Variants in SVEP1 observed in about 807,000 individuals in gnomAD.
SVEP1 encodes sushi, von Willebrand factor type A, EGF and pentraxin domain containing 1.
Under a neutral mutation model 367.3 loss-of-function variants are expected in SVEP1, and 164 were observed. The ratio of observed to expected loss-of-function variants is 0.45; its 90% CI spans 0.39 to 0.51. The LOEUF is 0.51. SVEP1 is among the 20% of genes least tolerant of loss of function. The pLI is 0.00. For missense variants in SVEP1, 4,117 were observed against 4,425.3 expected (o/e 0.93, Z 1.98); for synonymous variants, 1,666 against 1,611.6 (o/e 1.03, Z -0.81).
At chr9:110,568,720 T>TA (rs1418789443) in intron 1 of SVEP1, among the ~76,000 whole-genome samples, 1 of 152,152 alleles carries the variant, frequency 6.6e-6, no homozygotes, top group Non-Finnish European at 1.5e-5. Context: ...ACTGAAAATT[T>TA]AAGAGTTTAT....
intron 14 of SVEP1, among the ~76,000 whole-genome samples, chr9:110,473,135 T>C (rs1034797360): frequency 2.6e-5 from 4 of 152,222 alleles, no homozygotes; most frequent in Admixed American, 1.3e-4. Flanking sequence ...TCTATTGTTA[T>C]GTACTTTAGA....
intron 35 of SVEP1, among the ~76,000 whole-genome samples, 186 bp downstream of exon 35, chr9:110,428,957 C>A (rs1373822335): frequency 1.3e-5 from 2 of 152,098 alleles, no homozygotes; most frequent in Non-Finnish European, 2.9e-5. Flanking sequence ...GTAGTCCCTG[C>A]ACTCAGGAGG....
intron 3 of SVEP1, among the ~76,000 whole-genome samples, chr9:110,537,462 C>T (rs1408671059): frequency 6.6e-6 from 1 of 151,840 alleles, no homozygotes; most frequent in African/African-American, 2.4e-5. Flanking sequence ...CTAGTAGCAC[C>T]TTTGGTCACA....
At chr9:110,475,268 G>A (rs917402508) in intron 14 of SVEP1, among the ~76,000 whole-genome samples, 2 of 152,094 alleles carry the variant, frequency 1.3e-5, no homozygotes, top group African/African-American at 2.4e-5. Context: ...GATGTCTGCC[G>A]TAATGCGAAT....
intron 39 of SVEP1, among the ~76,000 whole-genome samples, chr9:110,402,610 A>G (rs1320010454): frequency 6.6e-6 from 1 of 152,184 alleles, no homozygotes; most frequent in Non-Finnish European, 1.5e-5. Flanking sequence ...AGAGCTTAGT[A>G]TCTTTTTTAG....
chr9:110,557,607 T>C (rs1445384233), intron 1 of SVEP1, among the ~76,000 whole-genome samples: 2 of 151,878 alleles, frequency 1.3e-5, no homozygotes, highest in Non-Finnish European at 2.9e-5. Flanking sequence ...AGAAGCCAGA[T>C]AGAGTTGTGG....
chr9:110,510,254 C>T (rs1053163762), intron 5 of SVEP1, among the ~76,000 whole-genome samples: 1 of 152,196 alleles, frequency 6.6e-6, no homozygotes, highest in African/African-American at 2.4e-5. Context: ...AATTCCACTT[C>T]AAAAGCTGGG....
At chr9:110,505,816 TCTC>T (rs1220517699) in intron 5 of SVEP1, among the ~76,000 whole-genome samples, 5 of 141,750 alleles carry the variant, frequency 3.5e-5, no homozygotes, top group Middle Eastern at 3.4e-3. Context: ...TTTTCTTTTC[TCTC>T]TTTTTTTTTT....
In SVEP1 at chr9:110,556,750, A is replaced by T. The variant is rs902403954; in HGVS notation, c.532-6646T>A. 8.5e-5 allele frequency among the ~76,000 whole-genome samples: 13 copies of T among 152,206 alleles called. 1 individual carries two copies. The highest frequency in any genetic ancestry group is 8.3e-4 in the South Asian group (4 of 4,806). On this transcript the variant is annotated intron_variant, in intron 1 of 47. Coordinates refer to ENST00000374469, the MANE Select transcript of SVEP1 (RefSeq NM_153366.4). ...GTGATCCACCCAGCTCAGCCTCCCA[A>T]AGTGCTGGGATTACAAGTGTGAGCC...
At chr9:110,381,825 A>T (rs941843467) in intron 43 of SVEP1, among the ~76,000 whole-genome samples, 4 of 151,726 alleles carry the variant, frequency 2.6e-5, no homozygotes, top group Admixed American at 6.6e-5. Context: ...AATGTCAAAG[A>T]CTCTTTGTAA....
chr9:110,400,806 T>A, intron 40 of SVEP1, 48 bp downstream of exon 40: 1 of 1,554,616 alleles, frequency 6.4e-7, no homozygotes, highest in Non-Finnish European at 8.7e-7. Flanking sequence ...TATCCCCAAG[T>A]ATATTGGAAA....
At chr9:110,438,173 T>C (rs1443346041) in intron 27 of SVEP1, among the ~76,000 whole-genome samples, 2 of 142,404 alleles carry the variant, frequency 1.4e-5, no homozygotes, top group East Asian at 2.1e-4. Flanking sequence ...TTAGTAGTTA[T>C]GCTATTTTTT....
At chr9:110,412,633 A>G (rs1444222385) in intron 36 of SVEP1, among the ~76,000 whole-genome samples, 6 of 151,964 alleles carry the variant, frequency 3.9e-5, no homozygotes, top group Non-Finnish European at 8.8e-5. Context: ...GAAAATTTTC[A>G]CAACCTACTC....
At position 110,510,706 on chromosome 9, in the gene SVEP1, T is replaced by C. The variant is rs371988783; in HGVS notation, c.1303+2220A>G. Among the ~76,000 whole-genome samples, 45 of 152,308 alleles carry C rather than the reference T, an allele frequency of 3.0e-4. No homozygotes were observed. In the South Asian group the frequency reaches 8.9e-3, roughly 30 times the overall value. On this transcript the variant is annotated intron_variant, in intron 5 of 47. Transcript: ENST00000374469. ...ATCCTGAAAGGGCAGTCTTCTCTGATTTTCTCACTCCTCTTTGGAAGGCTA... is the reference window on the plus strand; with the variant it reads ...ATCCTGAAAGGGCAGTCTTCTCTGACTTTCTCACTCCTCTTTGGAAGGCTA...
At chr9:110,412,757 A>C (rs1461178853) in intron 36 of SVEP1, among the ~76,000 whole-genome samples, 1 of 152,260 alleles carries the variant, frequency 6.6e-6, no homozygotes, top group Non-Finnish European at 1.5e-5. Context: ...TCTCAAAAGA[A>C]GACATTTATG....
intron 1 of SVEP1, among the ~76,000 whole-genome samples, chr9:110,555,627 T>A (rs1830347137): frequency 6.6e-6 from 1 of 152,214 alleles, no homozygotes. Context: ...ATTTTTCTTC[T>A]CTTTTTACAG....
chr9:110,562,843 C>T (rs1455685470), intron 1 of SVEP1, among the ~76,000 whole-genome samples: 3 of 152,134 alleles, frequency 2.0e-5, no homozygotes, highest in Non-Finnish European at 4.4e-5. Context: ...GTGCCTGCCA[C>T]CGCACCCGGC....
chr9:110,402,930 G>A (rs1827885791), intron 39 of SVEP1, among the ~76,000 whole-genome samples: 1 of 152,124 alleles, frequency 6.6e-6, no homozygotes, highest in African/African-American at 2.4e-5. Context: ...ACTGGGAGAA[G>A]GGAATGGTTC....
intron 16 of SVEP1, among the ~76,000 whole-genome samples, chr9:110,470,169 C>T (rs1350187363): frequency 2.0e-5 from 3 of 151,920 alleles, no homozygotes; most frequent in African/African-American, 4.8e-5. Flanking sequence ...AGTCTAGAAT[C>T]GGGCTTAAAA....
Sources: allele counts gnomAD v4.1 joint callset (sites outside exome capture counted in the v4.1 genomes callset), GRCh38; gene constraint gnomAD v4.1.1; transcripts MANE v1.5; gene names NCBI Gene and HGNC (gene_info 2026-07-23, HGNC 2026-07-21).